The following KLHL5 variants were observed in gnomAD, a reference collection of about 807,000 sequenced individuals.
KLHL5 encodes the protein kelch like family member 5.
Under a neutral mutation model 77.7 loss-of-function variants are expected in KLHL5, and 48 were observed. The observed-to-expected ratio is 0.62, with a 90% CI of 0.49 to 0.79. KLHL5 has a LOEUF of 0.79. KLHL5 is among the 30% of genes least tolerant of loss of function. KLHL5 has a pLI of 0.00. For synonymous variants in KLHL5, 260 were observed against 297.0 expected (o/e 0.88, Z 1.28); for missense variants, 723 against 859.7 (o/e 0.84, Z 1.99).
chr4:39,094,570 C>A (rs945748416), intron 5 of KLHL5, among the ~76,000 whole-genome samples: 1 of 151,120 alleles, frequency 6.6e-6, no homozygotes, highest in African/African-American at 2.4e-5. Flanking sequence ...AAGTTAACAG[C>A]GAGGGAAAAC....
chr4:39,046,493 G>A (rs534017677), intron 1 of KLHL5, among the ~76,000 whole-genome samples: 1 of 152,292 alleles, frequency 6.6e-6, no homozygotes, highest in African/African-American at 2.4e-5. Context: ...TAACGCTTGT[G>A]ATTCCAGCCC....
At chr4:39,130,339 C>T (rs538087257), downstream of KLHL5, among the ~76,000 whole-genome samples, 5 of 152,284 alleles carry the variant, frequency 3.3e-5, no homozygotes, top group East Asian at 5.8e-4. Context: ...AGGCACAGAT[C>T]GCTCATGCTA....
At position 39,096,748 on chromosome 4, in the gene KLHL5, AC is replaced by A; in HGVS notation, c.1171del (p.Leu391SerfsTer6). ...LFRDDIECQK[L>X]IMEAMKYHLL... ...TTCGGGATGATATAGAATGTCAGAA[AC>A]TCATTATGGAAGCAATGAAGTACCA... On this transcript the variant is annotated frameshift_variant, in exon 6 of 11. Transcript: ENST00000504108. LOFTEE classifies it high-confidence loss of function. 6.2e-7 allele frequency: 1 copy of A among 1,613,280 alleles called. No homozygotes were observed. The highest frequency in any genetic ancestry group is 8.5e-7 in the Non-Finnish European group (1 of 1,179,344).
intron 10 of KLHL5, chr4:39,120,363 A>C (rs1376144722): frequency 1.3e-5 from 2 of 152,222 alleles, no homozygotes. Flanking sequence ...TTCCCCTAGC[A>C]ACCCTCCCCT....
At position 39,113,166 on chromosome 4, in the gene KLHL5, A is replaced by G; in HGVS notation, c.1835A>G (p.Tyr612Cys). The G allele has an allele frequency of 6.2e-7, 1 of 1,614,158 alleles. No individual in the cohort carries two copies. The highest frequency in any genetic ancestry group is 8.5e-7 in the Non-Finnish European group (1 of 1,180,000). The change falls in exon 9 of 11, where the codon TAT becomes TGT. Residue 612 changes from tyrosine (Y) to cysteine (C), a missense_variant. By Grantham distance (194) the Tyr-to-Cys change is radical (BLOSUM62 -2). Coordinates refer to ENST00000504108, the MANE Select transcript of KLHL5 (RefSeq NM_015990.5). ...VGVTTWNGLLYAIGGHDAPAS... is the reference protein window; with the variant it reads ...VGVTTWNGLLCAIGGHDAPAS... ...GTGACGACCTGGAATGGACTGCTGT[A>G]TGCTATAGGGGGGCACGATGCTCCC... is the stretch of plus-strand genomic sequence containing the variant.
At chr4:39,049,719 A>C (rs1360995724) in intron 1 of KLHL5, among the ~76,000 whole-genome samples, 2 of 151,378 alleles carry the variant, frequency 1.3e-5, no homozygotes, top group Non-Finnish European at 2.9e-5. Flanking sequence ...ATAAAAAATA[A>C]ATAAATAAAT....
At chr4:39,133,568 TAA>T in the KLHL5 span, among the ~76,000 whole-genome samples, 8,237 of 133,792 alleles carry the variant, frequency 0.062, 696 homozygotes, top group African/African-American at 0.21. Flanking sequence ...CCCCATTTCC[TAA>T]AAAAAAAAAA....
chr4:39,085,155 G>A (rs1719933929), intron 4 of KLHL5, among the ~76,000 whole-genome samples: 1 of 152,054 alleles, frequency 6.6e-6, no homozygotes. Flanking sequence ...AGCCATTCTA[G>A]CACTGAAGTT....
upstream of KLHL5, among the ~76,000 whole-genome samples, chr4:39,058,342 G>A (rs1045077374): frequency 6.6e-6 from 1 of 152,124 alleles, no homozygotes; most frequent in Admixed American, 6.5e-5. Flanking sequence ...AATACCGTAC[G>A]ATTTTGTCAG....
At chr4:39,093,741 A>G (rs771432819) in intron 5 of KLHL5, among the ~76,000 whole-genome samples, 22 of 152,108 alleles carry the variant, frequency 1.4e-4, no homozygotes, top group Non-Finnish European at 2.8e-4. Context: ...CCCTGTCTCT[A>G]CTAAAAATAC....
Position 39,112,840 on chromosome 4 carries a change from T to A in KLHL5, c.1689-180T>A, listed in dbSNP as rs1655561158. 3 of 593,254 alleles carry A rather than the reference T, an allele frequency of 5.1e-6. No homozygotes were observed. In the East Asian group the frequency reaches 8.6e-5, roughly 17 times the overall value. The allele number at this position is 593,254 out of a possible 1,614,324, so 36.7% of individuals were successfully genotyped here. On this transcript the variant is annotated intron_variant, in intron 8 of 10. Coordinates refer to ENST00000504108, the MANE Select transcript of KLHL5 (RefSeq NM_015990.5). ...CTTTTCATGTATATACAGAGTGATA[T>A]ATGATACTTACATGTGTCATTTCAA...
chr4:39,091,299 A>T (rs796272362), intron 5 of KLHL5, among the ~76,000 whole-genome samples: 1 of 151,498 alleles, frequency 6.6e-6, no homozygotes, highest in Admixed American at 6.6e-5. Flanking sequence ...GGTTTTTTAA[A>T]TTTTTTTGTG....
chr4:39,067,674 CTTTTT>C (rs11356460), intron 1 of KLHL5, among the ~76,000 whole-genome samples: 1 of 132,750 alleles, frequency 7.5e-6, no homozygotes, highest in Non-Finnish European at 1.6e-5. Context: ...ACCCATAACT[CTTTTT>C]TTTTTTTTTT....
At chr4:39,128,417 G>C (rs1349701542), downstream of KLHL5, among the ~76,000 whole-genome samples, 2 of 152,074 alleles carry the variant, frequency 1.3e-5, no homozygotes, top group South Asian at 4.2e-4. Context: ...AAGAGAGAAA[G>C]CCAGGATACC....
At chr4:39,135,315 T>A in the KLHL5 span, 1 of 152,200 alleles carries the variant, frequency 6.6e-6, no homozygotes, top group Non-Finnish European at 1.5e-5. Flanking sequence ...CAGGTGGAAA[T>A]CCACGGAGCT....
Position 39,125,211 on chromosome 4 carries a change from G to A in KLHL5, c.*4145G>A, listed in dbSNP as rs2109644717. Among the ~76,000 whole-genome samples the A allele has an allele frequency of 6.6e-6, 1 of 152,234 alleles. No individual in the cohort carries two copies. The highest frequency in any genetic ancestry group is 1.5e-5 in the Non-Finnish European group (1 of 68,004). ...AAATAAATGTTAGAGAGGATGTGGA[G>A]AAATTGAAAACCTTCATTCGTTGTT... On this transcript the variant is annotated 3_prime_UTR_variant, in exon 11 of 11. Transcript: ENST00000504108.
Position 39,103,500 on chromosome 4 carries a change from G to A in KLHL5, c.1514G>A (p.Arg505Lys). ...WSVMPPMSTH[R>K]HGLGVAVLEG... The stretch of plus-strand genomic sequence containing the variant: ...GTGATGCCACCTATGTCCACACATA[G>A]ACATGGCCTTGGTAAGTACAACTAT... Residue 505 changes from arginine to lysine, a missense_variant, in exon 7 of 11, where the codon AGA (arginine) becomes AAA (lysine). Arg to Lys is a conservative substitution (Grantham distance 26). Around this residue, in one of 3 missense-constraint regions of KLHL5, gnomAD observed 288 missense variants for 400.3 expected, o/e 0.72. Transcript: ENST00000504108. 6.2e-7 allele frequency: 1 copy of A among 1,613,674 alleles called. No homozygotes were observed. The highest frequency in any genetic ancestry group is 8.5e-7 in the Non-Finnish European group (1 of 1,179,590).
intron 5 of KLHL5, chr4:39,093,112 C>T (rs1720739832): frequency 2.2e-6 from 1 of 455,798 alleles, no homozygotes; most frequent in South Asian, 1.5e-5. Context: ...AAGCATCCAT[C>T]AACTGGTGAA....
At chr4:39,060,235 A>G (rs2109281698), upstream of KLHL5, among the ~76,000 whole-genome samples, 1 of 152,308 alleles carries the variant, frequency 6.6e-6, no homozygotes, top group Admixed American at 6.5e-5. Flanking sequence ...ATATGTGTAT[A>G]TAAGTTTGTC....
Sources: allele counts gnomAD v4.1 joint callset (sites outside exome capture counted in the v4.1 genomes callset), GRCh38; gene constraint gnomAD v4.1.1; regional missense constraint gnomAD v4.1.1; transcripts MANE v1.5; gene names NCBI Gene and HGNC (gene_info 2026-07-23, HGNC 2026-07-21).